ANO1: variants seen among roughly 807,000 people sequenced by gnomAD.
The protein encoded by ANO1 is anoctamin-1.
In ANO1, 59 loss-of-function variants were observed where a neutral mutation model predicts 124.0. The observed-to-expected ratio is 0.48, with a 90% CI of 0.39 to 0.59. The LOEUF (loss-of-function observed/expected upper bound fraction) is 0.59, where lower values mean the gene tolerates loss of function less well. Among genes scored for constraint, ANO1 ranks in the 20% least tolerant of loss-of-function variants. The pLI, the probability that ANO1 is intolerant of heterozygous loss-of-function variation, is 0.00. For synonymous variants in ANO1, 529 were observed against 532.0 expected (o/e 0.99, Z 0.08); for missense variants, 1,059 against 1,328.0 (o/e 0.80, Z 3.15).
intron 9 of ANO1, among the ~76,000 whole-genome samples, 165 bp from the exon 10 acceptor site, chr11:70,125,896 C>T (rs1189555632): frequency 6.6e-6 from 1 of 151,404 alleles, no homozygotes; most frequent in Non-Finnish European, 1.5e-5. Context: ...AAGCAGAGAG[C>T]ACCCCCAACC....
At chr11:70,152,294 C>CATTGCA (rs1263682229) in intron 12 of ANO1, among the ~76,000 whole-genome samples, 156 bp from the exon 13 acceptor site, 2 of 138,848 alleles carry the variant, frequency 1.4e-5, no homozygotes. Flanking sequence ...GAGACCGCGC[C>CATTGCA]ATTGCACTCC....
chr11:70,151,481 T>C (rs1382647600), intron 12 of ANO1, among the ~76,000 whole-genome samples: 1 of 152,118 alleles, frequency 6.6e-6, no homozygotes, highest in South Asian at 2.1e-4. Flanking sequence ...GCAGTCACCA[T>C]CTTGTTCAGA....
Position 70,125,775 on chromosome 11 carries a change from T to C in ANO1, c.963-286T>C, listed in dbSNP as rs1476630457. Reference sequence around the variant, plus strand: ...AGGAGAATGGCGTGAACGCGGGAGGTGGAGCTTGCAGTGAGCCGAGATAGC... The same window carrying C: ...AGGAGAATGGCGTGAACGCGGGAGGCGGAGCTTGCAGTGAGCCGAGATAGC... On this transcript the variant is annotated intron_variant, in intron 9 of 25. Coordinates refer to ENST00000355303, the MANE Select transcript of ANO1 (RefSeq NM_018043.7). Among the ~76,000 whole-genome samples, 54 of 131,274 alleles carry C rather than the reference T, an allele frequency of 4.1e-4. 1 individual carries two copies. The highest frequency in any genetic ancestry group is 1.4e-4 in the Non-Finnish European group (9 of 62,490). 86.1% of individuals were successfully genotyped at this position (131,274 alleles called of 152,430 possible). A position where few individuals can be genotyped will look rare whatever the true frequency, so the allele number is the denominator to read the frequency against.
chr11:69,995,404 C>T (rs548700919), intron 1 of ANO1, among the ~76,000 whole-genome samples: 1 of 152,066 alleles, frequency 6.6e-6, no homozygotes, highest in Non-Finnish European at 1.5e-5. Context: ...GCCACTGGCA[C>T]GTTTTTATCT....
At chr11:70,102,244 G>A (rs2045307247) in intron 2 of ANO1, among the ~76,000 whole-genome samples, 1 of 152,206 alleles carries the variant, frequency 6.6e-6, no homozygotes, top group African/African-American at 2.4e-5. Context: ...AGGCTGTGGT[G>A]ACTTCATCTC....
intron 21 of ANO1, 23 bp from the exon 22 acceptor site, chr11:70,170,864 C>G (rs1013608263): frequency 3.7e-6 from 6 of 1,610,576 alleles, no homozygotes; most frequent in East Asian, 2.2e-5. Context: ...GGGGTGCTGA[C>G]TAGCACTGGG....
At chr11:70,071,519 G>A (rs964542437) in intron 1 of ANO1, among the ~76,000 whole-genome samples, 2 of 152,138 alleles carry the variant, frequency 1.3e-5, no homozygotes, top group East Asian at 3.8e-4. Flanking sequence ...CCCTAGAAAC[G>A]TGGCTTTTCT....
chr11:69,993,097 C>T (rs1416341006), intron 1 of ANO1, among the ~76,000 whole-genome samples: 1 of 152,148 alleles, frequency 6.6e-6, no homozygotes. Context: ...GCAGCCAAAC[C>T]CACACAACCC....
At chr11:70,020,575 C>T (rs373647381) in intron 1 of ANO1, among the ~76,000 whole-genome samples, 4 of 152,202 alleles carry the variant, frequency 2.6e-5, no homozygotes, top group African/African-American at 9.6e-5. Context: ...GGTCACCAGA[C>T]GGGTATTTGT....
In ANO1 at chr11:70,108,342, C is replaced by T. The variant is rs541910902; in HGVS notation, c.748-11C>T. On this transcript the variant is annotated splice_polypyrimidine_tract_variant and intron_variant, in intron 5 of 25. Transcript: ENST00000355303. ...AGTAACTGCTCACCCCCCTTCTTGT[C>T]TCTGCAATAGGTCTATGAGATCTTG... The T allele has an allele frequency of 1.2e-6, 2 of 1,606,636 alleles. No individual in the cohort carries two copies. The highest frequency in any genetic ancestry group is 4.5e-5 in the East Asian group (2 of 44,752).
In ANO1 at chr11:70,000,703, G is replaced by A. The variant is rs145583024; in HGVS notation, c.58+14537G>A. Among the ~76,000 whole-genome samples the A allele has an allele frequency of 5.9e-4, 89 of 151,726 alleles. No homozygotes were observed. In the East Asian group the frequency reaches 0.016, roughly 27 times the overall value. ...CACACATCCAAAGCCATGAGTGAAA[G>A]TGTCCCCAGTAGCATTGTTCATGAT... On this transcript the variant is annotated intron_variant, in intron 1 of 27. Transcript: ENST00000531349.
the ANO1 span, among the ~76,000 whole-genome samples, chr11:69,973,175 C>T: frequency 0.024 from 3,652 of 152,214 alleles, 85 homozygotes; most frequent in African/African-American, 0.055. Flanking sequence ...TCCCAAGGTG[C>T]TGGGATTACA....
chr11:70,105,599 C>A, intron 4 of ANO1, 135 bp from the exon 5 acceptor site: 2 of 793,678 alleles, frequency 2.5e-6, no homozygotes, highest in Non-Finnish European at 2.1e-6. Flanking sequence ...CGGGTCATAC[C>A]TGGCGTGCGG....
chr11:70,059,219 C>T (rs578022608), intron 1 of ANO1, among the ~76,000 whole-genome samples: 30 of 151,676 alleles, frequency 2.0e-4, no homozygotes, highest in Middle Eastern at 3.4e-3. Context: ...GGTGTGGTGG[C>T]AGGCGCCTGT....
chr11:70,073,050 T>C (rs1353559314), intron 1 of ANO1: 2 of 152,220 alleles, frequency 1.3e-5, no homozygotes, highest in African/African-American at 2.4e-5. Context: ...CTCTGCGAGA[T>C]GGAAGTTCCT....
chr11:70,018,395 A>C (rs968928040), intron 1 of ANO1: 1 of 152,136 alleles, frequency 6.6e-6, no homozygotes, highest in African/African-American at 2.4e-5. Context: ...CCCTTCCAGC[A>C]TCATGGATGG....
At chr11:69,981,689 C>T (rs1197206178), upstream of ANO1, among the ~76,000 whole-genome samples, 6 of 152,344 alleles carry the variant, frequency 3.9e-5, no homozygotes, top group African/African-American at 9.6e-5. Context: ...GCTAGCCCTG[C>T]GCAGCCACTG....
At chr11:70,050,389 C>T (rs1433178026) in intron 1 of ANO1, among the ~76,000 whole-genome samples, 1 of 152,190 alleles carries the variant, frequency 6.6e-6, no homozygotes, top group African/African-American at 2.4e-5. Context: ...TTACTTAGTA[C>T]CTGGTCACAC....
At position 70,103,174 on chromosome 11, in the gene ANO1, G is replaced by A. The variant is rs763654692; in HGVS notation, c.540+10G>A. 6.2e-7 allele frequency: 1 copy of A among 1,603,796 alleles called. No homozygotes were observed. Among genetic ancestry groups the A allele is most frequent in the Non-Finnish European group, 8.5e-7 (1 of 1,174,660 alleles). ...GATGCCGACGAAGAAGGTTGGTGTT[G>A]ATGGTCCTGCTCCGAAATGAATCGC... is the stretch of plus-strand genomic sequence containing the variant. On this transcript the variant is annotated intron_variant, in intron 3 of 25. Coordinates refer to ENST00000355303, the MANE Select transcript of ANO1 (RefSeq NM_018043.7).
Sources: gnomAD v4.1 joint callset for allele counts (sites outside exome capture counted in the v4.1 genomes callset) on GRCh38, gnomAD v4.1.1 for gene constraint, MANE v1.5 for transcripts, NCBI Gene and HGNC (gene_info 2026-07-23, HGNC 2026-07-21) for gene names.